Variants in SLC35G4 observed in about 807,000 individuals in gnomAD.
The protein encoded by SLC35G4 is acyl-malonyl-condensing enzyme 1-like protein 1.
In SLC35G4, 12 loss-of-function variants were observed where a neutral mutation model predicts 15.8. That is an observed-to-expected ratio of 0.76 (90% CI 0.49 to 1.23). SLC35G4 has a LOEUF of 1.23. Ranked by LOEUF, SLC35G4 falls within the 50% of genes most tolerant of loss-of-function variation. The probability of loss-of-function intolerance (pLI) is 0.00; values close to 1 mark genes in which losing one functional copy is unlikely to be tolerated. For synonymous variants in SLC35G4, 177 were observed against 186.5 expected (o/e 0.95, Z 0.41); for missense variants, 390 against 422.1 (o/e 0.92, Z 0.67).
Position 11,610,066 on chromosome 18 carries a change from C to G in SLC35G4, c.471C>G (p.Tyr157Ter), listed in dbSNP as rs574851637. The G allele has an allele frequency of 3.7e-6, 6 of 1,613,856 alleles. No homozygotes were observed. The highest frequency in any genetic ancestry group is 5.1e-6 in the Non-Finnish European group (6 of 1,179,864). Residue 157 changes from tyrosine to a stop codon, truncating the protein, a stop_gained, in exon 1 of 1, where the codon TAC (tyrosine) becomes TAG (stop). Transcript: ENST00000588001. LOFTEE classifies it high-confidence loss of function. Reference protein sequence around the residue: ...LCLESQVLSGYDWCGLLGSIL... With the variant: ...LCLESQVLSG The stretch of plus-strand genomic sequence containing the variant: ...TTGAGAGCCAGGTTCTCAGTGGCTA[C>G]GACTGGTGTGGACTGTTGGGCAGCA...
rs1222313783 is a variant in SLC35G4 at position 11,609,626 on chromosome 18, C to T, written c.31C>T (p.Pro11Ser). The change falls in exon 1 of 1, where the codon CCT becomes TCT. Residue 11 changes from proline (P) to serine (S), a missense_variant. Pro to Ser is a moderately conservative substitution (Grantham distance 74, BLOSUM62 -1). Transcript: ENST00000588001. ...TGGCAGTCACCCCTACTTCAACCTG[C>T]CTGACTCCACACACCCATCGCCGCC... is the stretch of plus-strand genomic sequence containing the variant. MAGSHPYFNL[P>S]DSTHPSPPST... 6.2e-6 allele frequency: 10 copies of T among 1,608,430 alleles called. No homozygotes were observed. Among genetic ancestry groups the T allele is most frequent in the African/African-American group, 1.3e-5 (1 of 74,812 alleles).
chr18:11,609,807 A>G lies in SLC35G4; in HGVS notation c.212A>G (p.Glu71Gly). The G allele has an allele frequency of 6.2e-7, 1 of 1,613,476 alleles. No individual in the cohort carries two copies. The highest frequency in any genetic ancestry group is 1.7e-5 in the Admixed American group (1 of 59,986). ...CAGGCTTCCAACCTGCCCTCGCTGG[A>G]GCTGGTCATCTGTCGATGCCTCTTC... ...AYQASNLPSL[E>G]LVICRCLFHL... The change falls in exon 1 of 1, where the codon GAG (glutamate) becomes GGG (glycine). Residue 71 changes from glutamate (E) to glycine (G), a missense_variant. This residue lies in a region of SLC35G4 where 331 missense variants were observed against 241.1 expected (regional missense o/e 1.37). Transcript: ENST00000588001.
In SLC35G4 at chr18:11,609,989, A is replaced by C; in HGVS notation, c.394A>C (p.Thr132Pro). Residue 132 changes from threonine to proline, a missense_variant, in exon 1 of 1, where the codon ACT becomes CCT. Thr to Pro is a conservative substitution (Grantham distance 38). Transcript: ENST00000588001. ...GGTGGTGCCCACTGGCAATGCTGCC[A>C]CTGTTCGCAAACATTCTTCCACCGT... Reference protein sequence around the residue: ...VQVVPTGNAATVRKHSSTVCS... With the variant: ...VQVVPTGNAAPVRKHSSTVCS... 6.2e-7 allele frequency: 1 copy of C among 1,613,902 alleles called. No homozygotes were observed. Among genetic ancestry groups the C allele is most frequent in the South Asian group, 1.1e-5 (1 of 91,074 alleles).
In SLC35G4 at chr18:11,610,455, A is replaced by T; in HGVS notation, c.860A>T (p.His287Leu). 1 of 1,565,374 alleles carries T rather than the reference A, an allele frequency of 6.4e-7. No individual in the cohort carries two copies. Among genetic ancestry groups the T allele is most frequent in the Non-Finnish European group, 8.7e-7 (1 of 1,152,612 alleles). ...AHPALVCAVL[H>L]SEVVMALILQ... is the part of the protein sequence containing the mutation. ...CCTGCCCTGGTGTGTGCTGTCCTGC[A>T]TTCCGAGGTGGTGATGGCCCTTATA... Residue 287 changes from histidine (H) to leucine (L), a missense_variant, in exon 1 of 1, where the codon CAT (histidine) becomes CTT (leucine). By Grantham distance (99) the His-to-Leu change is moderately conservative (BLOSUM62 -3). Coordinates refer to ENST00000588001, the MANE Select transcript of SLC35G4 (RefSeq NM_001282300.2).
rs754819366 is a variant in SLC35G4 at position 11,609,891 on chromosome 18, A to T, written c.296A>T (p.Asp99Val). 1 of 1,613,172 alleles carries T rather than the reference A, an allele frequency of 6.2e-7. No homozygotes were observed. Among genetic ancestry groups the T allele is most frequent in the Non-Finnish European group, 8.5e-7 (1 of 1,179,472 alleles). The change falls in exon 1 of 1, where the codon GAC (aspartate) becomes GTC (valine). Residue 99 changes from aspartate (D) to valine (V), a missense_variant. Asp to Val is a radical substitution (Grantham distance 152). Transcript: ENST00000588001. ...LRGDPLLGPP[D>V]IRGRTCFCAL... The stretch of plus-strand genomic sequence containing the variant: ...GGCGACCCCCTTCTGGGACCTCCTG[A>T]CATCCGAGGCCGCACCTGCTTCTGT...
rs768537655 is a variant in SLC35G4 at position 11,610,034 on chromosome 18, C to T, written c.439C>T (p.Leu147Phe). The T allele has an allele frequency of 3.7e-6, 6 of 1,613,898 alleles. No homozygotes were observed. The Admixed American group carries it at 6.7e-5, about 18-fold the overall frequency. ...SSTVCSAILT[L>F]CLESQVLSGY... ...CACCGTCTGCTCCGCCATCCTCACC[C>T]TCTGCCTTGAGAGCCAGGTTCTCAG... The change falls in exon 1 of 1, where the codon CTC (leucine) becomes TTC (phenylalanine). Residue 147 changes from leucine (L) to phenylalanine (F), a missense_variant. Coordinates refer to ENST00000588001, the MANE Select transcript of SLC35G4 (RefSeq NM_001282300.2).
chr18:11,609,612 C>A lies in SLC35G4; in HGVS notation c.17C>A (p.Pro6His). 1 of 1,602,396 alleles carries A rather than the reference C, an allele frequency of 6.2e-7. No individual in the cohort carries two copies. The highest frequency in any genetic ancestry group is 8.5e-7 in the Non-Finnish European group (1 of 1,173,986). ...CAAGGAAAGATGGCTGGCAGTCACC[C>A]CTACTTCAACCTGCCTGACTCCACA... MAGSH[P>H]YFNLPDSTHP... is the part of the protein sequence containing the mutation. Residue 6 changes from proline to histidine, a missense_variant, in exon 1 of 1, where the codon CCC becomes CAC. Pro to His is a moderately conservative substitution (Grantham distance 77, BLOSUM62 -2). Transcript: ENST00000588001.
In SLC35G4 at chr18:11,609,837, T is replaced by C. The variant is rs747607560; in HGVS notation, c.242T>C (p.Leu81Pro). 1.2e-6 allele frequency: 2 copies of C among 1,613,582 alleles called. No individual in the cohort carries two copies. The highest frequency in any genetic ancestry group is 1.7e-6 in the Non-Finnish European group (2 of 1,179,740). Residue 81 changes from leucine to proline, a missense_variant, in exon 1 of 1, where the codon CTC (leucine) becomes CCC (proline). By Grantham distance (98) the Leu-to-Pro change is moderately conservative. Transcript: ENST00000588001. ...ELVICRCLFH[L>P]PIALLLKLRG... Reference sequence around the variant, plus strand: ...GTCATCTGTCGATGCCTCTTCCACCTCCCTATTGCCCTGCTACTTAAACTG... The same window carrying C: ...GTCATCTGTCGATGCCTCTTCCACCCCCCTATTGCCCTGCTACTTAAACTG...
rs768139248 is a variant in SLC35G4, at chr18:11,610,157, T to G, written c.562T>G (p.Tyr188Asp). Residue 188 changes from tyrosine (Y) to aspartate (D), a missense_variant, in exon 1 of 1, where the codon TAC becomes GAC. Coordinates refer to ENST00000588001, the MANE Select transcript of SLC35G4 (RefSeq NM_001282300.2). ...WTLQEGTTGV[Y>D]TGLGYVQAFL... is the part of the protein sequence containing the mutation. ...ACTACAGGAGGGGACCACGGGTGTC[T>G]ACACCGGCCTGGGCTATGTGCAGGC... 1 of 1,612,076 alleles carries G rather than the reference T, an allele frequency of 6.2e-7. No homozygotes were observed. The highest frequency in any genetic ancestry group is 1.3e-5 in the African/African-American group (1 of 74,742).
Position 11,610,016 on chromosome 18 carries a change from T to C in SLC35G4, c.421T>C (p.Cys141Arg), listed in dbSNP as rs979240374. The change falls in exon 1 of 1, where the codon TGC (cysteine) becomes CGC (arginine). Residue 141 changes from cysteine (C) to arginine (R), a missense_variant. Around this residue, in one of 2 missense-constraint regions of SLC35G4, gnomAD observed 331 missense variants for 241.1 expected, o/e 1.37. Transcript: ENST00000588001. The stretch of plus-strand genomic sequence containing the variant: ...TGTTCGCAAACATTCTTCCACCGTC[T>C]GCTCCGCCATCCTCACCCTCTGCCT... Reference protein sequence around the residue: ...ATVRKHSSTVCSAILTLCLES... With the variant: ...ATVRKHSSTVRSAILTLCLES... The C allele has an allele frequency of 8.7e-6, 14 of 1,613,850 alleles. No individual in the cohort carries two copies. The highest frequency in any genetic ancestry group is 1.3e-5 in the African/African-American group (1 of 74,922).
In SLC35G4 at chr18:11,610,100, C is replaced by A; in HGVS notation, c.505C>A (p.Leu169Ile). 6.2e-7 allele frequency: 1 copy of A among 1,613,856 alleles called. No homozygotes were observed. The highest frequency in any genetic ancestry group is 8.5e-7 in the Non-Finnish European group (1 of 1,179,890). Residue 169 changes from leucine (L) to isoleucine (I), a missense_variant, in exon 1 of 1, where the codon CTA becomes ATA. This residue lies in a region of SLC35G4 where 331 missense variants were observed against 241.1 expected (regional missense o/e 1.37). Coordinates refer to ENST00000588001, the MANE Select transcript of SLC35G4 (RefSeq NM_001282300.2). ...TGGACTGTTGGGCAGCATCCTAGGA[C>A]TAATAATCATTGTGGGACCTGGACT... ...WCGLLGSILGLIIIVGPGLWT... is the reference protein window; with the variant it reads ...WCGLLGSILGIIIIVGPGLWT...
In SLC35G4 at chr18:11,610,149, C is replaced by A; in HGVS notation, c.554C>A (p.Thr185Lys). ...PGLWTLQEGT[T>K]GVYTGLGYVQ... is the part of the protein sequence containing the mutation. ...CTCTGGACACTACAGGAGGGGACCACGGGTGTCTACACCGGCCTGGGCTAT... is the reference window on the plus strand; with the variant it reads ...CTCTGGACACTACAGGAGGGGACCAAGGGTGTCTACACCGGCCTGGGCTAT... The change falls in exon 1 of 1, where the codon ACG (threonine) becomes AAG (lysine). Residue 185 changes from threonine to lysine, a missense_variant. Thr to Lys is a moderately conservative substitution (Grantham distance 78). Coordinates refer to ENST00000588001, the MANE Select transcript of SLC35G4 (RefSeq NM_001282300.2). 6.8e-6 allele frequency: 11 copies of A among 1,612,522 alleles called. No homozygotes were observed. Among genetic ancestry groups the A allele is most frequent in the Non-Finnish European group, 9.3e-6 (11 of 1,179,854 alleles).
At position 11,609,685 on chromosome 18, in the gene SLC35G4, C is replaced by A. The variant is rs770656271; in HGVS notation, c.90C>A (p.Arg30=). 4 of 1,613,948 alleles carry A rather than the reference C, an allele frequency of 2.5e-6. No homozygotes were observed. In the African/African-American group the frequency reaches 5.3e-5, roughly 22 times the overall value. The change falls in exon 1 of 1, where the codon CGC becomes CGA. Residue 30 remains arginine, a synonymous_variant. Coordinates refer to ENST00000588001, the MANE Select transcript of SLC35G4 (RefSeq NM_001282300.2). ...STPPSLHWHQ[R]CQPSDATNGL... ...CACCCAGCCTCCACTGGCACCAGCGCTGCCAGCCCTCTGATGCCACCAATG... is the reference window on the plus strand; with the variant it reads ...CACCCAGCCTCCACTGGCACCAGCGATGCCAGCCCTCTGATGCCACCAATG...
rs1435312236 is a variant in SLC35G4 at position 11,609,610 on chromosome 18, C to A, written c.15C>A (p.His5Gln). The A allele has an allele frequency of 3.7e-6, 6 of 1,601,286 alleles. No homozygotes were observed. Among genetic ancestry groups the A allele is most frequent in the Non-Finnish European group, 5.1e-6 (6 of 1,173,536 alleles). ...TCCAAGGAAAGATGGCTGGCAGTCA[C>A]CCCTACTTCAACCTGCCTGACTCCA... MAGS[H>Q]PYFNLPDSTH... The change falls in exon 1 of 1, where the codon CAC becomes CAA. Residue 5 changes from histidine (H) to glutamine (Q), a missense_variant. Physicochemically the swap from His to Gln is conservative, Grantham distance 24. Transcript: ENST00000588001.
chr18:11,609,938 A>G lies in SLC35G4; in HGVS notation c.343A>G (p.Ile115Val), dbSNP rs2029974454. The stretch of plus-strand genomic sequence containing the variant: ...CTGTGCCCTGCTCAACGTCCTCAAC[A>G]TTGGATGTGCCTATAGTGCGGTTCA... ...CFCALLNVLN[I>V]GCAYSAVQVV... Residue 115 changes from isoleucine (I) to valine (V), a missense_variant, in exon 1 of 1, where the codon ATT (isoleucine) becomes GTT (valine). Transcript: ENST00000588001. 6.2e-7 allele frequency: 1 copy of G among 1,613,926 alleles called. No individual in the cohort carries two copies. The highest frequency in any genetic ancestry group is 8.5e-7 in the Non-Finnish European group (1 of 1,179,852).
rs779354444 is a variant in SLC35G4, at chr18:11,610,017, G to C, written c.422G>C (p.Cys141Ser). Reference sequence around the variant, plus strand: ...GTTCGCAAACATTCTTCCACCGTCTGCTCCGCCATCCTCACCCTCTGCCTT... The same window carrying C: ...GTTCGCAAACATTCTTCCACCGTCTCCTCCGCCATCCTCACCCTCTGCCTT... ...ATVRKHSSTVCSAILTLCLES... is the reference protein window; with the variant it reads ...ATVRKHSSTVSSAILTLCLES... Residue 141 changes from cysteine to serine, a missense_variant, in exon 1 of 1, where the codon TGC becomes TCC. Coordinates refer to ENST00000588001, the MANE Select transcript of SLC35G4 (RefSeq NM_001282300.2). 1.5e-5 allele frequency: 24 copies of C among 1,613,938 alleles called. No individual in the cohort carries two copies. The South Asian group carries it at 2.4e-4, about 16-fold the overall frequency.
Position 11,610,342 on chromosome 18 carries a change from C to A in SLC35G4, c.747C>A (p.Asp249Glu). The A allele has an allele frequency of 1.9e-6, 3 of 1,602,984 alleles. No individual in the cohort carries two copies. Among genetic ancestry groups the A allele is most frequent in the Non-Finnish European group, 2.6e-6 (3 of 1,174,346 alleles). ...FVLQSPVLPS[D>E]LLSWSCVGAV... ...TGCAGTCCCCCGTGTTGCCCAGTGA[C>A]CTCCTGAGTTGGAGTTGTGTGGGGG... Residue 249 changes from aspartate to glutamate, a missense_variant, in exon 1 of 1, where the codon GAC becomes GAA. Asp to Glu is a conservative substitution (Grantham distance 45, BLOSUM62 2). Coordinates refer to ENST00000588001, the MANE Select transcript of SLC35G4 (RefSeq NM_001282300.2).
At position 11,610,145 on chromosome 18, in the gene SLC35G4, A is replaced by C. The variant is rs2029982634; in HGVS notation, c.550A>C (p.Thr184Pro). The C allele has an allele frequency of 6.2e-7, 1 of 1,612,524 alleles. No individual in the cohort carries two copies. The highest frequency in any genetic ancestry group is 2.2e-5 in the East Asian group (1 of 44,830). Residue 184 changes from threonine to proline, a missense_variant, in exon 1 of 1, where the codon ACC becomes CCC. Thr to Pro is a conservative substitution (Grantham distance 38). Coordinates refer to ENST00000588001, the MANE Select transcript of SLC35G4 (RefSeq NM_001282300.2). ...GPGLWTLQEG[T>P]TGVYTGLGYV... is the part of the protein sequence containing the mutation. ...TGGACTCTGGACACTACAGGAGGGG[A>C]CCACGGGTGTCTACACCGGCCTGGG...
Position 11,609,800 on chromosome 18 carries a change from T to G in SLC35G4, c.205T>G (p.Ser69Ala). Reference protein sequence around the residue: ...RMAYQASNLPSLELVICRCLF... With the variant: ...RMAYQASNLPALELVICRCLF... ...GGCTTACCAGGCTTCCAACCTGCCCTCGCTGGAGCTGGTCATCTGTCGATG... is the reference window on the plus strand; with the variant it reads ...GGCTTACCAGGCTTCCAACCTGCCCGCGCTGGAGCTGGTCATCTGTCGATG... Residue 69 changes from serine to alanine, a missense_variant, in exon 1 of 1, where the codon TCG (serine) becomes GCG (alanine). This residue lies in a region of SLC35G4 where 331 missense variants were observed against 241.1 expected (regional missense o/e 1.37). Transcript: ENST00000588001. 6.2e-7 allele frequency: 1 copy of G among 1,613,742 alleles called. No homozygotes were observed. Among genetic ancestry groups the G allele is most frequent in the Non-Finnish European group, 8.5e-7 (1 of 1,179,798 alleles).
Sources: allele counts gnomAD v4.1 joint callset, GRCh38; gene constraint gnomAD v4.1.1; regional missense constraint gnomAD v4.1.1; transcripts MANE v1.5; gene names NCBI Gene and HGNC (gene_info 2026-07-23, HGNC 2026-07-21).